FADS2: variants seen among roughly 807,000 people sequenced by gnomAD.
FADS2 encodes the protein acyl-CoA 6-desaturase.
Under a neutral mutation model 61.2 loss-of-function variants are expected in FADS2, and 18 were observed. The observed-to-expected ratio is 0.29, with a 90% CI of 0.20 to 0.44. The LOEUF (loss-of-function observed/expected upper bound fraction) is 0.44, where lower values mean the gene tolerates loss of function less well. Ranked by LOEUF, FADS2 falls within the 20% of genes least tolerant of loss-of-function variation. The pLI is 1.00. For missense variants in FADS2, 322 were observed against 572.7 expected (o/e 0.56, Z 4.47); for synonymous variants, 203 against 223.9 (o/e 0.91, Z 0.83).
At position 61,862,963 on chromosome 11, in the gene FADS2, TC is replaced by T; in HGVS notation, c.883-5del. On this transcript the variant is annotated splice_region_variant and splice_polypyrimidine_tract_variant and intron_variant, in intron 7 of 11. Transcript: ENST00000278840. Reference sequence around the variant, plus strand: ...GGCAGGTTGCACCTAACTTCATCTTTCCCCGCAGGACCTGGCCTGGGCCGTC... The same window carrying T: ...GGCAGGTTGCACCTAACTTCATCTTTCCCGCAGGACCTGGCCTGGGCCGTC... 6.2e-7 allele frequency: 1 copy of T among 1,613,460 alleles called. No homozygotes were observed. The highest frequency in any genetic ancestry group is 8.5e-7 in the Non-Finnish European group (1 of 1,179,384).
intron 4 of FADS2, among the ~76,000 whole-genome samples, chr11:61,842,143 G>A (rs141627795): frequency 1.3e-5 from 2 of 152,322 alleles, no homozygotes; most frequent in Admixed American, 6.5e-5. Context: ...CATGTGGGGT[G>A]TAGCTTATCC....
intron 4 of FADS2, among the ~76,000 whole-genome samples, chr11:61,841,427 G>A (rs1277182668): frequency 6.6e-6 from 1 of 151,450 alleles, no homozygotes; most frequent in Non-Finnish European, 1.5e-5. Flanking sequence ...TGCTGGGTGT[G>A]GTGGCATGCA....
At chr11:61,847,262 A>G (rs1362657487) in intron 4 of FADS2, 1 of 152,104 alleles carries the variant, frequency 6.6e-6, no homozygotes, top group Non-Finnish European at 1.5e-5. Context: ...AGACAAATCA[A>G]TGACTTTTGG....
Position 61,828,312 on chromosome 11 carries a change from C to A in FADS2, c.-79C>A. The A allele has an allele frequency of 6.6e-7, 1 of 1,520,602 alleles. No homozygotes were observed. The highest frequency in any genetic ancestry group is 8.8e-7 in the Non-Finnish European group (1 of 1,134,422). The allele number at this position is 1,520,602 out of a possible 1,614,324, so 94.2% of individuals were successfully genotyped here. A position where few individuals can be genotyped will look rare whatever the true frequency, so the allele number is the denominator to read the frequency against. On this transcript the variant is annotated 5_prime_UTR_variant, in exon 1 of 12. The change creates a new upstream start codon in the 5' untranslated region. Transcript: ENST00000278840. This position sits in a 1 kb window ranked among gnomAD's most constrained non-coding sequence, Gnocchi z 6.4. ...AGAGGGCCCGGGCTGCACACACCGG[C>A]TGGGAGGCAGCCGTCTGTGCAGCGA... is the stretch of plus-strand genomic sequence containing the variant.
intron 7 of FADS2, among the ~76,000 whole-genome samples, chr11:61,860,593 G>C (rs893908825): frequency 2.0e-5 from 3 of 152,158 alleles, no homozygotes; most frequent in Admixed American, 2.0e-4. Flanking sequence ...TGAAACCAGC[G>C]ATCTCTGTGT....
chr11:61,833,958 A>C (rs994937239), intron 1 of FADS2, among the ~76,000 whole-genome samples: 1 of 152,214 alleles, frequency 6.6e-6, no homozygotes, highest in African/African-American at 2.4e-5. Flanking sequence ...AGGCCTTCCC[A>C]ACTGGGGTTT....
At position 61,860,793 on chromosome 11, in the gene FADS2, A is replaced by G. The variant is rs7924451; in HGVS notation, c.883-2179A>G. 9.5e-3 allele frequency among the ~76,000 whole-genome samples: 1,446 copies of G among 152,226 alleles called. 27 individuals carry two copies. Among genetic ancestry groups the G allele is most frequent in the African/African-American group, 0.033 (1,361 of 41,522 alleles). On this transcript the variant is annotated intron_variant, in intron 7 of 11. Transcript: ENST00000278840. Reference sequence around the variant, plus strand: ...GCGTGGTGATGCGCGCCTGTAATCTACCTACTTTGGAGGCTGAGGTAGGAG... The same window carrying G: ...GCGTGGTGATGCGCGCCTGTAATCTGCCTACTTTGGAGGCTGAGGTAGGAG...
intron 4 of FADS2, chr11:61,847,949 C>CT: frequency 1.8e-6 from 1 of 562,230 alleles, no homozygotes; most frequent in Non-Finnish European, 3.2e-6. Flanking sequence ...AAACTGAAGC[C>CT]TAGAGAGATA....
At chr11:61,858,019 C>G (rs1199308610) in intron 7 of FADS2, among the ~76,000 whole-genome samples, 1 of 152,108 alleles carries the variant, frequency 6.6e-6, no homozygotes, top group Non-Finnish European at 1.5e-5. Flanking sequence ...GACCGGAAGT[C>G]CAAAACTGAG....
At chr11:61,831,157 G>A (rs1009322852) in intron 1 of FADS2, among the ~76,000 whole-genome samples, 2 of 152,098 alleles carry the variant, frequency 1.3e-5, no homozygotes, top group Admixed American at 1.3e-4. Context: ...GCGTGGGGTG[G>A]GTGGGGCATG....
chr11:61,827,894 C>T (rs1462437596), upstream of FADS2: 2 of 349,680 alleles, frequency 5.7e-6, no homozygotes, highest in African/African-American at 4.4e-5. The surrounding 1 kb of genome is among the most constrained non-coding windows in gnomAD (Gnocchi z 4.5). Flanking sequence ...GCGGGGGAGC[C>T]GGGGACCCGC....
At chr11:61,816,207 T>A, upstream of FADS2, 1 of 1,558,516 alleles carries the variant, frequency 6.4e-7, no homozygotes, top group Non-Finnish European at 8.7e-7. This position sits in a 1 kb window ranked among gnomAD's most constrained non-coding sequence, Gnocchi z 7.0. Context: ...GCCTGCATCC[T>A]TGCTCTCCTC....
intron 4 of FADS2, 112 bp downstream of exon 4, chr11:61,840,837 G>A: frequency 1.2e-6 from 1 of 832,420 alleles, no homozygotes; most frequent in African/African-American, 1.7e-5. Context: ...AGGCAGGTGT[G>A]CCTATGCTGA....
In FADS2 at chr11:61,816,464, T is replaced by C. The variant is rs1281287502; in HGVS notation, c.141+38T>C. ...GCCTCCGGGCTTTCCTCCGAATTAG[T>C]CGGTGTTTGGCTCGGAGTGCGTAAC... is the stretch of plus-strand genomic sequence containing the variant. On this transcript the variant is annotated intron_variant, in intron 1 of 11. Transcript: ENST00000257261. This position sits in a 1 kb window ranked among gnomAD's most constrained non-coding sequence, Gnocchi z 7.0. 1 of 1,600,770 alleles carries C rather than the reference T, an allele frequency of 6.2e-7. No individual in the cohort carries two copies.
At chr11:61,839,756 C>T (rs563808041) in intron 2 of FADS2, among the ~76,000 whole-genome samples, 1 of 152,222 alleles carries the variant, frequency 6.6e-6, no homozygotes, top group South Asian at 2.1e-4. Context: ...TAAGCACTCA[C>T]TCCTCATTCT....
chr11:61,845,568 G>A (rs1168802519), intron 4 of FADS2, among the ~76,000 whole-genome samples: 1 of 152,016 alleles, frequency 6.6e-6, no homozygotes, highest in African/African-American at 2.4e-5. Context: ...GGAGGTGGGC[G>A]GATCACCTGG....
At position 61,865,040 on chromosome 11, in the gene FADS2, G is replaced by C; in HGVS notation, c.1158-112G>C. 1 of 1,300,770 alleles carries C rather than the reference G, an allele frequency of 7.7e-7. No homozygotes were observed. The highest frequency in any genetic ancestry group is 1.3e-5 in the South Asian group (1 of 74,198). The allele number at this position is 1,300,770 out of a possible 1,614,324, so 80.6% of individuals were successfully genotyped here. ...CCACACTTTGAGACTGGTCCTGGCT[G>C]TGGACAGGGTCTCTGAGGGCCCCAG... On this transcript the variant is annotated intron_variant, in intron 10 of 11. Coordinates refer to ENST00000278840, the MANE Select transcript of FADS2 (RefSeq NM_004265.4). The surrounding 1 kb of genome is among the most constrained non-coding windows in gnomAD (Gnocchi z 4.1).
At chr11:61,826,524 G>C (rs1360799640), upstream of FADS2, 1 of 603,704 alleles carries the variant, frequency 1.7e-6, no homozygotes, top group African/African-American at 1.9e-5. Flanking sequence ...CCATTTCTGA[G>C]AAAATAATTT....
chr11:61,816,914 C>A lies in FADS2; in HGVS notation c.141+488C>A. The A allele has an allele frequency of 7.1e-7, 1 of 1,405,148 alleles. No individual in the cohort carries two copies. The allele number at this position is 1,405,148 out of a possible 1,614,324, so 87.0% of individuals were successfully genotyped here. A position where few individuals can be genotyped will look rare whatever the true frequency, so the allele number is the denominator to read the frequency against. ...CCGCAGGGCAGACCGGCGGGCCTCGCAGCGCGCGTTCCCATTGGCCGAGCC... is the reference window on the plus strand; with the variant it reads ...CCGCAGGGCAGACCGGCGGGCCTCGAAGCGCGCGTTCCCATTGGCCGAGCC... On this transcript the variant is annotated intron_variant, in intron 1 of 11. Transcript: ENST00000257261. This position sits in a 1 kb window ranked among gnomAD's most constrained non-coding sequence, Gnocchi z 7.0.
Sources: gnomAD v4.1 joint callset for allele counts (sites outside exome capture counted in the v4.1 genomes callset) on GRCh38, gnomAD v4.1.1 for gene constraint, Gnocchi (gnomAD v3.1) non-coding constraint, MANE v1.5 for transcripts, NCBI Gene and HGNC (gene_info 2026-07-23, HGNC 2026-07-21) for gene names.